SPATA16: variants seen among roughly 807,000 people sequenced by gnomAD.
SPATA16 encodes spermatogenesis associated 16, also known as spermatogenesis-associated protein 16.
A neutral mutation model predicts 63.3 loss-of-function variants in SPATA16; 36 were observed. The observed-to-expected ratio is 0.57, with a 90% confidence interval of 0.44 to 0.75. The LOEUF (loss-of-function observed/expected upper bound fraction) is 0.75, where lower values mean the gene tolerates loss of function less well. Ranked by LOEUF, SPATA16 falls within the 30% of genes least tolerant of loss-of-function variation. The pLI, the probability that SPATA16 is intolerant of heterozygous loss-of-function variation, is 0.00. For synonymous variants in SPATA16, 203 were observed against 216.7 expected (o/e 0.94, Z 0.56); for missense variants, 646 against 679.3 (o/e 0.95, Z 0.54).
chr3:173,057,029 T>C (rs6445095), intron 2 of SPATA16, among the ~76,000 whole-genome samples: 27,866 of 151,818 alleles, frequency 0.18, 2,651 homozygotes, highest in South Asian at 0.23. Flanking sequence ...CACGTATTTA[T>C]TTTTCTAACT....
intron 2 of SPATA16, among the ~76,000 whole-genome samples, chr3:173,075,014 G>GAAAAAAAAAAAAAAA (rs1198323792): frequency 7.3e-6 from 1 of 137,474 alleles, no homozygotes; most frequent in Non-Finnish European, 1.5e-5. Flanking sequence ...AAAAAAAAAG[G>GAAAAAAAAAAAAAAA]AAAGAAAAGA....
intron 10 of SPATA16, among the ~76,000 whole-genome samples, chr3:172,903,990 A>G (rs897779105): frequency 1.3e-5 from 2 of 152,236 alleles, no homozygotes; most frequent in African/African-American, 2.4e-5. Context: ...TTGGTTTAAT[A>G]TAAGTGTGCT....
chr3:173,034,056 T>G lies in SPATA16; in HGVS notation c.759-14481A>C, dbSNP rs1735662922. Among the ~76,000 whole-genome samples the G allele has an allele frequency of 2.0e-5, 3 of 152,166 alleles. No homozygotes were observed. In the South Asian group the frequency reaches 6.2e-4, roughly 32 times the overall value. Reference sequence around the variant, plus strand: ...GAAAGGTACAATGAATAAACTTCCCTCTGTTCTACCTATTGGAAATTACTT... The same window carrying G: ...GAAAGGTACAATGAATAAACTTCCCGCTGTTCTACCTATTGGAAATTACTT... On this transcript the variant is annotated intron_variant, in intron 3 of 10. Transcript: ENST00000351008.
intron 6 of SPATA16, among the ~76,000 whole-genome samples, chr3:172,937,789 CT>C (rs1476263540): frequency 6.6e-6 from 1 of 152,106 alleles, no homozygotes; most frequent in African/African-American, 2.4e-5. Context: ...AAAAAAGTAA[CT>C]GTTTTTCAAT....
intron 1 of SPATA16, among the ~76,000 whole-genome samples, chr3:173,118,224 A>C (rs2108337796): frequency 6.6e-6 from 1 of 152,324 alleles, no homozygotes; most frequent in Non-Finnish European, 1.5e-5. Context: ...AAAGCTTCCA[A>C]AAATGTGAGC....
intron 1 of SPATA16, among the ~76,000 whole-genome samples, chr3:173,135,673 A>G (rs2108350785): frequency 6.6e-6 from 1 of 152,362 alleles, no homozygotes; most frequent in African/African-American, 2.4e-5. Context: ...GGAGTGAAAG[A>G]AGCCAGATAC....
intron 8 of SPATA16, among the ~76,000 whole-genome samples, chr3:172,920,568 A>G (rs986795430): frequency 2.6e-5 from 4 of 152,238 alleles, no homozygotes; most frequent in Non-Finnish European, 5.9e-5. Context: ...GAACAAACAT[A>G]TGTATCTTTT....
At chr3:173,126,101 G>A (rs1350027104) in intron 1 of SPATA16, among the ~76,000 whole-genome samples, 1 of 150,524 alleles carries the variant, frequency 6.6e-6, no homozygotes, top group East Asian at 1.9e-4. Flanking sequence ...TTTATGATGT[G>A]CCTACCCCGG....
chr3:172,927,266 T>C (rs112614818), intron 6 of SPATA16, among the ~76,000 whole-genome samples: 2,760 of 152,310 alleles, frequency 0.018, 76 homozygotes, highest in African/African-American at 0.063. Context: ...CCACAGAACC[T>C]CAGTTTTTCA....
At chr3:173,021,410 G>T (rs1373050695) in intron 3 of SPATA16, among the ~76,000 whole-genome samples, 1 of 152,144 alleles carries the variant, frequency 6.6e-6, no homozygotes, top group Non-Finnish European at 1.5e-5. Flanking sequence ...TTTTGCAAAT[G>T]AATACATTAA....
chr3:172,984,225 A>G (rs1009529726), intron 4 of SPATA16, among the ~76,000 whole-genome samples: 1 of 152,174 alleles, frequency 6.6e-6, no homozygotes. Context: ...ATGGCACAGG[A>G]TATCTTCATC....
At chr3:173,091,032 A>G (rs1217494636) in intron 2 of SPATA16, among the ~76,000 whole-genome samples, 1 of 150,814 alleles carries the variant, frequency 6.6e-6, no homozygotes, top group Non-Finnish European at 1.5e-5. Flanking sequence ...CACCTTACAT[A>G]TTACAGCTTC....
At position 172,944,613 on chromosome 3, in the gene SPATA16, T is replaced by A. The variant is rs550459455; in HGVS notation, c.1081+12064A>T. Among the ~76,000 whole-genome samples, 3 of 152,270 alleles carry A rather than the reference T, an allele frequency of 2.0e-5. No homozygotes were observed. The South Asian group carries it at 6.2e-4, about 32-fold the overall frequency. On this transcript the variant is annotated intron_variant, in intron 6 of 10. Coordinates refer to ENST00000351008, the MANE Select transcript of SPATA16 (RefSeq NM_031955.6). The stretch of plus-strand genomic sequence containing the variant: ...GAGTTTTTCTCAGTGGAAAAATAGA[T>A]AAACAAAATGTGATATACACATACA...
chr3:173,116,919 G>A (rs990971491), intron 2 of SPATA16, among the ~76,000 whole-genome samples: 1 of 152,136 alleles, frequency 6.6e-6, no homozygotes, highest in African/African-American at 2.4e-5. Context: ...TATATATCAA[G>A]TGCACACAGG....
chr3:172,929,234 A>T (rs7637295), intron 6 of SPATA16, among the ~76,000 whole-genome samples: 2,699 of 151,262 alleles, frequency 0.018, 85 homozygotes, highest in African/African-American at 0.063. Context: ...ATTTATTATT[A>T]AAAAAAAATC....
At chr3:173,105,226 T>C (rs911777308) in intron 2 of SPATA16, among the ~76,000 whole-genome samples, 2 of 152,206 alleles carry the variant, frequency 1.3e-5, no homozygotes, top group Non-Finnish European at 2.9e-5. Flanking sequence ...CCTGAACACA[T>C]AGTTAACATA....
chr3:173,041,181 C>T (rs1002456402), intron 3 of SPATA16, among the ~76,000 whole-genome samples: 4 of 152,062 alleles, frequency 2.6e-5, no homozygotes, highest in Non-Finnish European at 4.4e-5. Flanking sequence ...GGCAAACTGC[C>T]TAACTTGCAA....
chr3:172,989,614 A>G (rs1021004036), intron 4 of SPATA16, among the ~76,000 whole-genome samples: 6 of 152,152 alleles, frequency 3.9e-5, no homozygotes, highest in Admixed American at 2.0e-4. Flanking sequence ...GCGGATAATA[A>G]TAGTTGCCAA....
At chr3:172,993,300 T>A (rs747956121) in intron 4 of SPATA16, among the ~76,000 whole-genome samples, 34 of 152,212 alleles carry the variant, frequency 2.2e-4, no homozygotes, top group Middle Eastern at 6.8e-3. Flanking sequence ...ATGGAATCAG[T>A]CAAATCATCA....
Sources: allele counts gnomAD v4.1 joint callset (sites outside exome capture counted in the v4.1 genomes callset), GRCh38; gene constraint gnomAD v4.1.1; transcripts MANE v1.5; gene names NCBI Gene and HGNC (gene_info 2026-07-23, HGNC 2026-07-21).